DPYD: variants seen among roughly 807,000 people sequenced by gnomAD.
DPYD encodes the protein dihydropyrimidine dehydrogenase.
Under a neutral mutation model 116.2 loss-of-function variants are expected in DPYD, and 109 were observed. The ratio of observed to expected loss-of-function variants is 0.94; its 90% CI spans 0.80 to 1.10. The LOEUF is 1.10. Among genes scored for constraint, DPYD ranks in the 50% least tolerant of loss-of-function variants. The pLI is 0.00. For missense variants in DPYD, 1,302 were observed against 1,254.5 expected (o/e 1.04, Z -0.57); for synonymous variants, 440 against 432.0 (o/e 1.02, Z -0.23).
At chr1:97,082,215 A>T (rs1484513068) in intron 22 of DPYD, 115 bp downstream of exon 22, 1 of 1,254,664 alleles carries the variant, frequency 8.0e-7, no homozygotes, top group East Asian at 2.3e-5. Flanking sequence ...GTTGCAGAAG[A>T]GCAATATTTG....
rs1228884803 is a variant in DPYD at position 97,368,995 on chromosome 1, C to T, written c.2058+4566G>A. On this transcript the variant is annotated intron_variant, in intron 16 of 22. Transcript: ENST00000370192. ...AACCACAACAATACAAAGGCCTACT[C>T]GAGGTCTATTCAGTACTAGCCTGAA... Among the ~76,000 whole-genome samples the T allele has an allele frequency of 5.3e-5, 8 of 152,044 alleles. No homozygotes were observed. The East Asian group carries it at 9.7e-4, about 18-fold the overall frequency.
intron 20 of DPYD, among the ~76,000 whole-genome samples, chr1:97,119,277 T>C (rs973432154): frequency 1.1e-4 from 16 of 152,206 alleles, no homozygotes; most frequent in African/African-American, 3.6e-4. Context: ...GTAACAGCTC[T>C]CCATGCTAGA....
intron 13 of DPYD, among the ~76,000 whole-genome samples, chr1:97,497,758 G>T (rs1679352491): frequency 6.6e-6 from 1 of 151,686 alleles, no homozygotes; most frequent in African/African-American, 2.4e-5. Flanking sequence ...AGCTGCTTTG[G>T]AAAACAGTTT....
intron 14 of DPYD, among the ~76,000 whole-genome samples, chr1:97,388,785 A>G (rs1672506340): frequency 6.6e-6 from 1 of 152,074 alleles, no homozygotes; most frequent in Non-Finnish European, 1.5e-5. Context: ...CGGGAGGACT[A>G]ATGATGTTTT....
intron 2 of DPYD, among the ~76,000 whole-genome samples, chr1:97,854,191 A>G (rs539789521): frequency 2.9e-4 from 44 of 152,292 alleles, no homozygotes; most frequent in Non-Finnish European, 5.0e-4. Context: ...TTTGGAGCAA[A>G]GACAGAGATG....
intron 1 of DPYD, among the ~76,000 whole-genome samples, chr1:97,891,540 T>C (rs757473551): frequency 2.0e-5 from 3 of 151,982 alleles, no homozygotes; most frequent in Non-Finnish European, 4.4e-5. Context: ...TGTCACCGTT[T>C]GGTCTGTTAA....
At chr1:97,134,988 T>C (rs1344895146) in intron 20 of DPYD, among the ~76,000 whole-genome samples, 6 of 151,794 alleles carry the variant, frequency 4.0e-5, no homozygotes, top group Non-Finnish European at 8.8e-5. Context: ...TATATATATA[T>C]ATTTTTTTTA....
chr1:97,423,242 AC>A (rs34823012), intron 14 of DPYD, among the ~76,000 whole-genome samples: 79 of 152,184 alleles, frequency 5.2e-4, no homozygotes, highest in Non-Finnish European at 9.0e-4. Flanking sequence ...ATTTTCTTTG[AC>A]TTGAAGATGG....
intron 12 of DPYD, among the ~76,000 whole-genome samples, chr1:97,524,356 T>C (rs942319262): frequency 2.0e-5 from 3 of 152,182 alleles, no homozygotes; most frequent in African/African-American, 7.2e-5. Flanking sequence ...AGTCATGCCA[T>C]GGGTGTGAAG....
rs376563965 is a variant in DPYD, at chr1:97,541,782, A to T, written c.1524+7778T>A. On this transcript the variant is annotated intron_variant, in intron 12 of 22. Coordinates refer to ENST00000370192, the MANE Select transcript of DPYD (RefSeq NM_000110.4). ...GAGAAATTAAGGAATTAAACTAATTAAGGAATTCATTTAGCTATAGTCATT... is the reference window on the plus strand; with the variant it reads ...GAGAAATTAAGGAATTAAACTAATTTAGGAATTCATTTAGCTATAGTCATT... Among the ~76,000 whole-genome samples, 128 of 152,278 alleles carry T rather than the reference A, an allele frequency of 8.4e-4. 1 individual carries two copies. In the Middle Eastern group the frequency reaches 0.02, roughly 24 times the overall value.
In DPYD at chr1:97,312,883, A is replaced by G. The variant is rs1179033732; in HGVS notation, c.2059-6586T>C. Among the ~76,000 whole-genome samples, 5 of 151,982 alleles carry G rather than the reference A, an allele frequency of 3.3e-5. No homozygotes were observed. The East Asian group carries it at 5.8e-4, about 18-fold the overall frequency. ...GGTAAATTATTTCTAATATAGATAA[A>G]TTTCATCTATTATTCTAAAAATAAT... On this transcript the variant is annotated intron_variant, in intron 16 of 22. Coordinates refer to ENST00000370192, the MANE Select transcript of DPYD (RefSeq NM_000110.4).
intron 2 of DPYD, among the ~76,000 whole-genome samples, chr1:97,837,760 A>G (rs1294280820): frequency 1.3e-5 from 2 of 152,166 alleles, no homozygotes; most frequent in Non-Finnish European, 2.9e-5. Flanking sequence ...TAAACTCTCC[A>G]TCCTGAAAAA....
chr1:97,727,363 T>C (rs1430643784), intron 4 of DPYD, among the ~76,000 whole-genome samples: 2 of 151,778 alleles, frequency 1.3e-5, no homozygotes, highest in African/African-American at 4.8e-5. Context: ...GAAAGATTAT[T>C]AGAAGATATA....
intron 19 of DPYD, among the ~76,000 whole-genome samples, chr1:97,206,562 A>G (rs1388427733): frequency 6.8e-6 from 1 of 147,044 alleles, no homozygotes; most frequent in Non-Finnish European, 1.5e-5. Flanking sequence ...CTTTCTTGTA[A>G]CCACAGTGCA....
chr1:97,104,889 C>T (rs1239310306), intron 20 of DPYD, among the ~76,000 whole-genome samples: 1 of 152,104 alleles, frequency 6.6e-6, no homozygotes, highest in African/African-American at 2.4e-5. Flanking sequence ...GAAAGTCTAA[C>T]ATTCATGGAA....
intron 14 of DPYD, among the ~76,000 whole-genome samples, chr1:97,413,883 A>G (rs1009983449): frequency 2.0e-5 from 3 of 152,102 alleles, no homozygotes; most frequent in Non-Finnish European, 4.4e-5. Flanking sequence ...TCATTAGGTA[A>G]CTATCAGCCA....
intron 14 of DPYD, among the ~76,000 whole-genome samples, chr1:97,443,437 A>G (rs529969169): frequency 2.3e-4 from 35 of 152,322 alleles, no homozygotes; most frequent in Non-Finnish European, 4.1e-4. Context: ...CTGGGGATAC[A>G]CTAGTCTTCC....
chr1:97,545,854 G>C (rs1241158476), intron 12 of DPYD: 1 of 1,108,472 alleles, frequency 9.0e-7, no homozygotes, highest in East Asian at 2.4e-5. Context: ...TTACATTGAA[G>C]AGGACAATCT....
chr1:97,233,852 G>C (rs921605352), intron 19 of DPYD, among the ~76,000 whole-genome samples: 2 of 152,158 alleles, frequency 1.3e-5, no homozygotes, highest in Non-Finnish European at 2.9e-5. Flanking sequence ...TACAGTGGGA[G>C]GCACAGAGAA....
Sources: gnomAD v4.1 joint callset for allele counts (sites outside exome capture counted in the v4.1 genomes callset) on GRCh38, gnomAD v4.1.1 for gene constraint, MANE v1.5 for transcripts, NCBI Gene and HGNC (gene_info 2026-07-23, HGNC 2026-07-21) for gene names.